The following TIAM1 variants were observed in gnomAD, a reference collection of about 807,000 sequenced individuals.
The protein encoded by TIAM1 is rho guanine nucleotide exchange factor TIAM1.
A neutral mutation model predicts 163.5 loss-of-function variants in TIAM1; 65 were observed. That is an observed-to-expected ratio of 0.40 (90% CI 0.33 to 0.49). The LOEUF is 0.49. TIAM1 is among the 20% of genes least tolerant of loss of function. The probability of loss-of-function intolerance (pLI) is 0.77; values close to 1 mark genes in which losing one functional copy is unlikely to be tolerated. For missense variants in TIAM1, 1,789 were observed against 2,044.7 expected (o/e 0.87, Z 2.41); for synonymous variants, 833 against 810.1 (o/e 1.03, Z -0.48).
At chr21:31,357,505 C>T (rs781057045) in intron 2 of TIAM1, among the ~76,000 whole-genome samples, 1 of 152,106 alleles carries the variant, frequency 6.6e-6, no homozygotes, top group Non-Finnish European at 1.5e-5. Flanking sequence ...TAAAGCCAAC[C>T]CCTCCACTTG....
At chr21:31,351,033 A>G (rs909929955) in intron 2 of TIAM1, among the ~76,000 whole-genome samples, 6 of 152,216 alleles carry the variant, frequency 3.9e-5, no homozygotes, top group African/African-American at 1.2e-4. Context: ...TTCCACTAAC[A>G]TAGGCATTTG....
chr21:31,364,382 G>A (rs1427587250), intron 2 of TIAM1, among the ~76,000 whole-genome samples: 3 of 151,860 alleles, frequency 2.0e-5, no homozygotes, highest in African/African-American at 7.3e-5. Flanking sequence ...CTAAGATTGT[G>A]ATCAAATGAG....
At chr21:31,468,740 C>A (rs111911044) in intron 1 of TIAM1, among the ~76,000 whole-genome samples, 1 of 152,114 alleles carries the variant, frequency 6.6e-6, no homozygotes, top group East Asian at 1.9e-4. Flanking sequence ...GGTGCCACTG[C>A]ACTCCAGCCT....
chr21:31,348,668 C>T (rs976177267), upstream of TIAM1, among the ~76,000 whole-genome samples: 1 of 152,202 alleles, frequency 6.6e-6, no homozygotes, highest in African/African-American at 2.4e-5. Flanking sequence ...ATCCCACACA[C>T]TCCCATGCTA....
intron 1 of TIAM1, among the ~76,000 whole-genome samples, chr21:31,548,726 C>T (rs1427402717): frequency 6.6e-6 from 1 of 150,920 alleles, no homozygotes; most frequent in Non-Finnish European, 1.5e-5. Context: ...TGGCCACAAG[C>T]GATCCACCCA....
At chr21:31,393,259 G>A (rs1197872222) in intron 2 of TIAM1, among the ~76,000 whole-genome samples, 2 of 152,042 alleles carry the variant, frequency 1.3e-5, no homozygotes, top group Non-Finnish European at 2.9e-5. Context: ...CCCAGCCCTC[G>A]CTTTAAAAAT....
intron 4 of TIAM1, among the ~76,000 whole-genome samples, chr21:31,265,792 C>T (rs1047381257): frequency 6.6e-6 from 1 of 152,170 alleles, no homozygotes; most frequent in Non-Finnish European, 1.5e-5. Flanking sequence ...CCACTCCCCC[C>T]ACACACTTCC....
upstream of TIAM1, among the ~76,000 whole-genome samples, chr21:31,346,765 A>G (rs2076155439): frequency 6.6e-6 from 1 of 152,200 alleles, no homozygotes; most frequent in African/African-American, 2.4e-5. Flanking sequence ...GGGAAGAGGA[A>G]GGCAAGCACC....
intron 1 of TIAM1, among the ~76,000 whole-genome samples, chr21:31,506,430 C>A (rs1384821899): frequency 6.6e-6 from 1 of 152,168 alleles, no homozygotes; most frequent in African/African-American, 2.4e-5. Context: ...CTATCACCAA[C>A]ATCCATCTTC....
chr21:31,489,803 C>CCCCCT (rs1400125119), intron 1 of TIAM1, among the ~76,000 whole-genome samples: 1 of 152,168 alleles, frequency 6.6e-6, no homozygotes, highest in Non-Finnish European at 1.5e-5. Context: ...AAGGTCAAAT[C>CCCCCT]CCCCTCCCCT....
At chr21:31,423,339 C>T (rs2043651167) in intron 2 of TIAM1, among the ~76,000 whole-genome samples, 1 of 151,972 alleles carries the variant, frequency 6.6e-6, no homozygotes, top group Non-Finnish European at 1.5e-5. Flanking sequence ...ACCTCATGAT[C>T]CCCTCGCCTC....
intron 5 of TIAM1, among the ~76,000 whole-genome samples, chr21:31,249,024 C>A (rs1191551372): frequency 6.6e-6 from 1 of 152,182 alleles, no homozygotes; most frequent in Non-Finnish European, 1.5e-5. Flanking sequence ...TGCTCTCAAA[C>A]TGAGAGTGAG....
In TIAM1 at chr21:31,241,588, C is replaced by T. The variant is rs1200898000; in HGVS notation, c.1584+3900G>A. On this transcript the variant is annotated intron_variant, in intron 6 of 27. Transcript: ENST00000541036. The stretch of plus-strand genomic sequence containing the variant: ...AAGAAGCACTATCACCACCGATAAT[C>T]AACAACAATAGCAAATCCTGGAGGA... Among the ~76,000 whole-genome samples, 3 of 152,174 alleles carry T rather than the reference C, an allele frequency of 2.0e-5. No homozygotes were observed. In the East Asian group the frequency reaches 5.8e-4, roughly 29 times the overall value.
At chr21:31,376,557 ATTAG>A (rs2076691014) in intron 2 of TIAM1, among the ~76,000 whole-genome samples, 1 of 152,168 alleles carries the variant, frequency 6.6e-6, no homozygotes, top group Non-Finnish European at 1.5e-5. Context: ...TACCATCAAA[ATTAG>A]TTAGTGCTCC....
intron 20 of TIAM1, among the ~76,000 whole-genome samples, chr21:31,146,497 G>A (rs1274567273): frequency 6.6e-6 from 1 of 150,934 alleles, no homozygotes; most frequent in Admixed American, 6.6e-5. Flanking sequence ...GATCACCTGA[G>A]GTCAGGAGTT....
intron 19 of TIAM1, among the ~76,000 whole-genome samples, chr21:31,148,275 T>C (rs188834889): frequency 6.6e-6 from 1 of 152,192 alleles, no homozygotes; most frequent in African/African-American, 2.4e-5. Context: ...TCCCCATATG[T>C]TGTGAGAGGT....
At chr21:31,506,139 C>A (rs1441105615) in intron 1 of TIAM1, among the ~76,000 whole-genome samples, 1 of 151,372 alleles carries the variant, frequency 6.6e-6, no homozygotes, top group Non-Finnish European at 1.5e-5. Context: ...TCATAGTTTT[C>A]TGCCCAGCAC....
At chr21:31,516,911 G>A (rs1196577765) in intron 1 of TIAM1, among the ~76,000 whole-genome samples, 3 of 151,512 alleles carry the variant, frequency 2.0e-5, no homozygotes, top group Admixed American at 6.6e-5. Context: ...TTAGCTGGGC[G>A]TGGTGGCGGG....
At chr21:31,259,269 G>C (rs1296879102) in intron 4 of TIAM1, among the ~76,000 whole-genome samples, 1 of 151,690 alleles carries the variant, frequency 6.6e-6, no homozygotes, top group African/African-American at 2.4e-5. Context: ...CTACGAAACT[G>C]AGACTACAGG....
Sources: allele counts gnomAD v4.1 joint callset (sites outside exome capture counted in the v4.1 genomes callset), GRCh38; gene constraint gnomAD v4.1.1; transcripts MANE v1.5; gene names NCBI Gene and HGNC (gene_info 2026-07-23, HGNC 2026-07-21).